Variants in SLC26A1 observed in about 807,000 individuals in gnomAD.
SLC26A1 encodes solute carrier family 26 member 1.
Under a neutral mutation model 14.5 loss-of-function variants are expected in SLC26A1, and 18 were observed. The ratio of observed to expected loss-of-function variants is 1.24; its 90% CI spans 0.86 to 1.84. The LOEUF is 1.84. SLC26A1 is among the 40% of genes most tolerant of loss of function. SLC26A1 has a pLI of 0.00. For missense variants in SLC26A1, 1,049 were observed against 1,020.0 expected (o/e 1.03, Z -0.39); for synonymous variants, 505 against 492.0 (o/e 1.03, Z -0.35).
chr4:988,162 TC>T lies in SLC26A1; in HGVS notation c.*670del, dbSNP rs1713897110. ...GGGCACGGTGGGCTTCCTGCAGGTCTCCCTGCAGGCTCAGGGTTGGCTGCGC... is the reference window on the plus strand; with the variant it reads ...GGGCACGGTGGGCTTCCTGCAGGTCTCCTGCAGGCTCAGGGTTGGCTGCGC... On this transcript the variant is annotated 3_prime_UTR_variant, in exon 3 of 3. Transcript: ENST00000398516. 1 of 1,394,660 alleles carries T rather than the reference TC, an allele frequency of 7.2e-7. No individual in the cohort carries two copies. Among genetic ancestry groups the T allele is most frequent in the Non-Finnish European group, 9.3e-7 (1 of 1,075,672 alleles). The allele number at this position is 1,394,660 out of a possible 1,614,324, so 86.4% of individuals were successfully genotyped here.
At position 987,972 on chromosome 4, in the gene SLC26A1, GC is replaced by G. The variant is rs1560532911; in HGVS notation, c.*860del. The G allele has an allele frequency of 6.4e-7, 1 of 1,550,726 alleles. No homozygotes were observed. Among genetic ancestry groups the G allele is most frequent in the African/African-American group, 1.4e-5 (1 of 73,326 alleles). Reference sequence around the variant, plus strand: ...CAGGTGGGCGGCGGGCAGGGTCTGGGCGTCCCAGAGCCCCTTACAGAGGCAC... The same window carrying G: ...CAGGTGGGCGGCGGGCAGGGTCTGGGGTCCCAGAGCCCCTTACAGAGGCAC... On this transcript the variant is annotated 3_prime_UTR_variant, in exon 3 of 3. Coordinates refer to ENST00000398516, the MANE Select transcript of SLC26A1 (RefSeq NM_022042.4).
Position 979,467 on chromosome 4 carries a change from C to T in SLC26A1, c.614G>A (p.Trp205Ter), listed in dbSNP as rs1713473674. 1.2e-6 allele frequency: 2 copies of T among 1,613,682 alleles called. No individual in the cohort carries two copies. Among genetic ancestry groups the T allele is most frequent in the South Asian group, 2.2e-5 (2 of 91,030 alleles). Residue 205 changes from tryptophan to a stop codon, truncating the protein, a stop_gained, in exon 3 of 3, where the codon TGG becomes TAG. Coordinates refer to the SLC26A1 transcript ENST00000398520. LOFTEE classifies it high-confidence loss of function. ...CGAGTCACTCCTCTGTGTTAATTGC[C>T]ATGGGTGTTGCTGGAAGCTGTTTCT...
rs780136455 is a variant in SLC26A1, at chr4:991,649, G to A, written c.55C>T (p.Arg19Trp). 1.8e-5 allele frequency: 28 copies of A among 1,552,556 alleles called. No homozygotes were observed. The highest frequency in any genetic ancestry group is 4.1e-5 in the African/African-American group (3 of 73,998). The change falls in exon 2 of 3, where the codon CGG (arginine) becomes TGG (tryptophan). Residue 19 changes from arginine to tryptophan, a missense_variant. Arg to Trp is a moderately radical substitution (Grantham distance 101, BLOSUM62 -3). Coordinates refer to ENST00000398516, the MANE Select transcript of SLC26A1 (RefSeq NM_022042.4). ...QQGRGPVPVR[R>W]QRPAPRGLRE... ...AGACCCCGGGGTGCTGGGCGCTGCC[G>A]TCGGACCGGCACCGGCCCTCTGCCC... is the stretch of plus-strand genomic sequence containing the variant.
At chr4:992,047 G>T in intron 1 of SLC26A1, 2 of 576,218 alleles carry the variant, frequency 3.5e-6, no homozygotes, top group Non-Finnish European at 3.3e-6. Context: ...CCGGCCTATT[G>T]GCTCTGCGGT....
In SLC26A1 at chr4:989,526, C is replaced by G. The variant is rs775844133; in HGVS notation, c.1413G>C (p.Ala471=). 7 of 1,554,698 alleles carry G rather than the reference C, an allele frequency of 4.5e-6. No homozygotes were observed. The highest frequency in any genetic ancestry group is 5.2e-6 in the Non-Finnish European group (6 of 1,150,016). Residue 471 remains alanine (A), a synonymous_variant, in exon 3 of 3, where the codon GCG becomes GCC. Coordinates refer to ENST00000398516, the MANE Select transcript of SLC26A1 (RefSeq NM_022042.4). ...PRLWRMSPAD[A]LVWAGTAATC... is the part of the protein sequence containing the mutation. Reference sequence around the variant, plus strand: ...TGGCCGCGGTGCCTGCCCAGACCAGCGCGTCAGCCGGGCTCATCCGCCACA... The same window carrying G: ...TGGCCGCGGTGCCTGCCCAGACCAGGGCGTCAGCCGGGCTCATCCGCCACA...
chr4:990,617 C>G (rs1714213876), intron 2 of SLC26A1: 1 of 531,104 alleles, frequency 1.9e-6, no homozygotes, highest in Non-Finnish European at 3.3e-6. Context: ...ACGTCTAACC[C>G]TTGTCACGTG....
intron 1 of SLC26A1, among the ~76,000 whole-genome samples, chr4:992,477 T>G (rs1486785025): frequency 6.6e-6 from 1 of 152,202 alleles, no homozygotes; most frequent in Non-Finnish European, 1.5e-5. Context: ...CCGCCTGGAC[T>G]TGGGACAGAA....
chr4:980,338 C>A (rs995197384), intron 2 of SLC26A1, among the ~76,000 whole-genome samples: 1 of 152,166 alleles, frequency 6.6e-6, no homozygotes, highest in Non-Finnish European at 1.5e-5. Flanking sequence ...ATAATCCCAG[C>A]ACTTTGGGAG....
At position 989,253 on chromosome 4, in the gene SLC26A1, C is replaced by G. The variant is rs199549367; in HGVS notation, c.1686G>C (p.Thr562=). 5.0e-6 allele frequency: 8 copies of G among 1,612,558 alleles called. No homozygotes were observed. In the African/African-American group the frequency reaches 1.1e-4, roughly 22 times the overall value. Residue 562 remains threonine, a synonymous_variant, in exon 3 of 3, where the codon ACG becomes ACC. Transcript: ENST00000398516. ...CAGCCATGCACCCTGCGTCCAGCCC[C>G]GTGAGGCTGTAGAGTGACTGCAGGA... ...DFFLQSLYSL[T]GLDAGCMAAR... is the part of the protein sequence containing the mutation.
At chr4:980,744 C>G (rs1274749056) in intron 2 of SLC26A1, among the ~76,000 whole-genome samples, 4 of 151,900 alleles carry the variant, frequency 2.6e-5, no homozygotes, top group African/African-American at 9.7e-5. Flanking sequence ...TGCAGACGGG[C>G]CATTCTAGGG....
chr4:989,648 C>CCAGCGCCAG lies in SLC26A1; in HGVS notation c.1282_1290dup (p.Leu428_Leu430dup), dbSNP rs777165400. The CCAGCGCCAG allele has an allele frequency of 6.3e-7, 1 of 1,590,954 alleles. No homozygotes were observed. The highest frequency in any genetic ancestry group is 1.8e-5 in the Admixed American group (1 of 56,610). On this transcript the variant is annotated inframe_insertion, in exon 3 of 3. Transcript: ENST00000398516. The stretch of plus-strand genomic sequence containing the variant: ...CGCTGTAGGTCGTGGAACAGCGGTG[C>CCAGCGCCAG]CAGCGCCAGCAGCACCAGCAGCACC...
downstream of SLC26A1, chr4:987,114 GCTGGCGCTC>G: frequency 6.9e-7 from 1 of 1,447,358 alleles, no homozygotes; most frequent in African/African-American, 1.5e-5. Flanking sequence ...GCGCCGCGCT[GCTGGCGCTC>G]CTGGCCTCGC....
Position 991,218 on chromosome 4 carries a change from G to C in SLC26A1, c.486C>G (p.Leu162=). The C allele has an allele frequency of 6.2e-7, 1 of 1,609,732 alleles. No individual in the cohort carries two copies. The highest frequency in any genetic ancestry group is 8.5e-7 in the Non-Finnish European group (1 of 1,177,830). Residue 162 remains leucine, a synonymous_variant, in exon 2 of 3, where the codon CTC becomes CTG. Transcript: ENST00000398516. The part of the protein sequence containing the change: ...GLQPGANSST[L]NGSAAMLDCG... ...AGTCCAGCATGGCAGCCGAGCCGTTGAGGGTGCTGCTGTTGGCTCCGGGCT... is the reference window on the plus strand; with the variant it reads ...AGTCCAGCATGGCAGCCGAGCCGTTCAGGGTGCTGCTGTTGGCTCCGGGCT...
In SLC26A1 at chr4:987,688, C is replaced by G; in HGVS notation, c.*1145G>C. On this transcript the variant is annotated 3_prime_UTR_variant, in exon 3 of 3. Coordinates refer to ENST00000398516, the MANE Select transcript of SLC26A1 (RefSeq NM_022042.4). ...GCCCTAAGGGTCATTTTATTAGTCA[C>G]TGAACGCACGGGCAGCGCCTGGATC... is the stretch of plus-strand genomic sequence containing the variant. 1.3e-6 allele frequency: 2 copies of G among 1,521,654 alleles called. No individual in the cohort carries two copies. Among genetic ancestry groups the G allele is most frequent in the Non-Finnish European group, 8.8e-7 (1 of 1,132,670 alleles). The allele number at this position is 1,521,654 out of a possible 1,614,324, so 94.3% of individuals were successfully genotyped here. A position where few individuals can be genotyped will look rare whatever the true frequency, so the allele number is the denominator to read the frequency against.
chr4:987,617 C>T (rs1713837340), downstream of SLC26A1: 2 of 1,441,324 alleles, frequency 1.4e-6, no homozygotes, highest in Non-Finnish European at 1.8e-6. Flanking sequence ...CCTCGTCTTA[C>T]TGCTGCTGCC....
Position 988,372 on chromosome 4 carries a change from G to A in SLC26A1, c.*461C>T, listed in dbSNP as rs1272412782. 2 of 1,069,010 alleles carry A rather than the reference G, an allele frequency of 1.9e-6. No homozygotes were observed. The highest frequency in any genetic ancestry group is 1.7e-5 in the African/African-American group (1 of 59,798). The allele number at this position is 1,069,010 out of a possible 1,614,324, so 66.2% of individuals were successfully genotyped here. A position where few individuals can be genotyped will look rare whatever the true frequency, so the allele number is the denominator to read the frequency against. ...CGAGGTGTGAGGGGCACTTGGGTGT[G>A]TGGGGCCTTCTGGAAACACAGAGAC... On this transcript the variant is annotated 3_prime_UTR_variant, in exon 3 of 3. Coordinates refer to ENST00000398516, the MANE Select transcript of SLC26A1 (RefSeq NM_022042.4).
At chr4:986,955 C>A, downstream of SLC26A1, 9 of 782,670 alleles carry the variant, frequency 1.1e-5, no homozygotes, top group South Asian at 1.3e-4. Context: ...CCCCTCCCAC[C>A]CGGCCATCGC....
rs778948120 is a variant in SLC26A1 at position 988,847 on chromosome 4, C to T, written c.2092G>A (p.Asp698Asn). 27 of 1,599,744 alleles carry T rather than the reference C, an allele frequency of 1.7e-5. No individual in the cohort carries two copies. The highest frequency in any genetic ancestry group is 1.7e-4 in the Middle Eastern group (1 of 5,790). Reference sequence around the variant, plus strand: ...GCCTGGCCCTGCTACAGATGGGCATCGGTGGCCTCCAGCTCCCTGTGGCGG... The same window carrying T: ...GCCTGGCCCTGCTACAGATGGGCATTGGTGGCCTCCAGCTCCCTGTGGCGG... ...RARHRELEAT[D>N]AHL Residue 698 changes from aspartate (D) to asparagine (N), a missense_variant, in exon 3 of 3, where the codon GAT becomes AAT. Transcript: ENST00000398516.
chr4:990,835 C>T (rs1714232675), intron 2 of SLC26A1: 2 of 440,994 alleles, frequency 4.5e-6, no homozygotes, highest in Non-Finnish European at 8.0e-6. Flanking sequence ...GCCACATGGC[C>T]TCAGTCCAGC....
Sources: gnomAD v4.1 joint callset for allele counts (sites outside exome capture counted in the v4.1 genomes callset) on GRCh38, gnomAD v4.1.1 for gene constraint, MANE v1.5 for transcripts, NCBI Gene and HGNC (gene_info 2026-07-23, HGNC 2026-07-21) for gene names.